The following SYN3 variants were observed in gnomAD, a reference collection of about 807,000 sequenced individuals.
SYN3 encodes synapsin-3.
A neutral mutation model predicts 65.8 loss-of-function variants in SYN3; 35 were observed. The observed-to-expected ratio is 0.53, with a 90% CI of 0.41 to 0.70. The LOEUF (loss-of-function observed/expected upper bound fraction) is 0.70, where lower values mean the gene tolerates loss of function less well. SYN3 is among the 30% of genes least tolerant of loss of function. SYN3 has a pLI of 0.00. For missense variants in SYN3, 680 were observed against 749.0 expected, an observed-to-expected ratio of 0.91 and a Z score of 1.08; for synonymous variants, 270 against 292.9, an observed-to-expected ratio of 0.92 and a Z score of 0.80.
At chr22:32,988,993 C>T (rs1055062211) in intron 2 of SYN3, among the ~76,000 whole-genome samples, 17 of 123,492 alleles carry the variant, frequency 1.4e-4, no homozygotes, top group Non-Finnish European at 2.9e-4. Context: ...AGAAGATCTA[C>T]TCACATGTTG....
intron 4 of SYN3, among the ~76,000 whole-genome samples, chr22:32,908,118 C>T (rs1397228331): frequency 6.6e-6 from 1 of 151,670 alleles, no homozygotes; most frequent in African/African-American, 2.4e-5. Context: ...CAGAGTCGCA[C>T]TCTGTCCTCC....
chr22:32,723,358 G>A (rs1278859326), intron 6 of SYN3, among the ~76,000 whole-genome samples: 1 of 152,178 alleles, frequency 6.6e-6, no homozygotes, highest in African/African-American at 2.4e-5. Context: ...TTAGAACAGT[G>A]CAGGAAGGGC....
chr22:32,745,907 C>T (rs2044919237), intron 6 of SYN3, among the ~76,000 whole-genome samples: 1 of 152,202 alleles, frequency 6.6e-6, no homozygotes, highest in African/African-American at 2.4e-5. Context: ...GCCGACCAGT[C>T]ATTCCTGCTG....
chr22:32,619,698 A>G (rs1261400529), intron 6 of SYN3, among the ~76,000 whole-genome samples: 2 of 152,170 alleles, frequency 1.3e-5, no homozygotes, highest in Non-Finnish European at 2.9e-5. Flanking sequence ...TCCTTCCACC[A>G]AGAGAAGGCA....
intron 1 of SYN3, among the ~76,000 whole-genome samples, chr22:33,053,517 C>T (rs867880419): frequency 1.3e-5 from 2 of 152,144 alleles, no homozygotes; most frequent in Non-Finnish European, 2.9e-5. Flanking sequence ...TTGAAGCTCC[C>T]GCTTGAAGTC....
At chr22:32,839,595 A>T (rs1284413752) in intron 6 of SYN3, among the ~76,000 whole-genome samples, 3 of 152,138 alleles carry the variant, frequency 2.0e-5, no homozygotes, top group Admixed American at 2.0e-4. Context: ...AGGTATCTGT[A>T]CCTTTCTTCC....
chr22:32,914,615 T>A (rs2050142144), intron 4 of SYN3, among the ~76,000 whole-genome samples: 1 of 151,168 alleles, frequency 6.6e-6, no homozygotes, highest in Non-Finnish European at 1.5e-5. Context: ...TTTTTTTTTT[T>A]GTATTTTTAG....
chr22:32,542,959 C>G lies in SYN3; in HGVS notation c.775-1246G>C, dbSNP rs556951437. Among the ~76,000 whole-genome samples, 56 of 152,222 alleles carry G rather than the reference C, an allele frequency of 3.7e-4. 2 individuals carry two copies. The South Asian group carries it at 0.011, about 29-fold the overall frequency. On this transcript the variant is annotated intron_variant, in intron 7 of 13. Transcript: ENST00000358763. Reference sequence around the variant, plus strand: ...GCTCCCCACTTCCCTGTCACCCTCACCCCGACAGCAGAGGAGTTCTGATGC... The same window carrying G: ...GCTCCCCACTTCCCTGTCACCCTCAGCCCGACAGCAGAGGAGTTCTGATGC...
intron 6 of SYN3, among the ~76,000 whole-genome samples, chr22:32,738,109 C>T (rs763736067): frequency 5.3e-5 from 8 of 152,296 alleles, no homozygotes; most frequent in Non-Finnish European, 1.0e-4. Flanking sequence ...ACGTTGACCC[C>T]GTACCAAGCA....
chr22:32,771,624 A>G (rs1256338859), intron 6 of SYN3, among the ~76,000 whole-genome samples: 1 of 152,240 alleles, frequency 6.6e-6, no homozygotes, highest in Non-Finnish European at 1.5e-5. Context: ...CACAGGACAC[A>G]CTGATGCCCA....
chr22:32,797,027 G>T (rs2046445158), intron 6 of SYN3, among the ~76,000 whole-genome samples: 1 of 152,170 alleles, frequency 6.6e-6, no homozygotes, highest in Non-Finnish European at 1.5e-5. Flanking sequence ...GGCCATGGCA[G>T]ATGGGAGGGG....
rs542864889 is a variant in SYN3, at chr22:32,602,019, G to A, written c.712-5283C>T. Among the ~76,000 whole-genome samples the A allele has an allele frequency of 1.5e-4, 23 of 151,334 alleles. No individual in the cohort carries two copies. In the East Asian group the frequency reaches 3.5e-3, roughly 23 times the overall value. On this transcript the variant is annotated intron_variant, in intron 6 of 13. Coordinates refer to ENST00000358763, the MANE Select transcript of SYN3 (RefSeq NM_003490.4). The stretch of plus-strand genomic sequence containing the variant: ...ACCAGAGAAATTCAAGACAAAAATT[G>A]TCTACAATCTCATTGTCTAACCAAA...
intron 6 of SYN3, among the ~76,000 whole-genome samples, chr22:32,666,224 ATCTC>A (rs2060287797): frequency 1.3e-5 from 2 of 152,068 alleles, no homozygotes; most frequent in South Asian, 2.1e-4. Flanking sequence ...TTTGGTCCTC[ATCTC>A]TCTTTTACCC....
intron 4 of SYN3, among the ~76,000 whole-genome samples, chr22:32,892,061 G>A (rs374882875): frequency 3.1e-4 from 47 of 152,108 alleles, no homozygotes; most frequent in East Asian, 5.8e-4. Flanking sequence ...TTGGGAGACC[G>A]AGGCGGGCGG....
At chr22:32,846,863 C>T (rs1304247003) in intron 6 of SYN3, among the ~76,000 whole-genome samples, 14 of 152,308 alleles carry the variant, frequency 9.2e-5, no homozygotes, top group Admixed American at 5.2e-4. Context: ...ACTACAAAAA[C>T]GTATTCTTTT....
At chr22:32,608,859 CTT>C (rs2059403217) in intron 6 of SYN3, among the ~76,000 whole-genome samples, 1 of 152,182 alleles carries the variant, frequency 6.6e-6, no homozygotes, top group African/African-American at 2.4e-5. Context: ...GCCAGAAACT[CTT>C]TGGGGATAAT....
At chr22:32,622,779 C>T (rs1453598403) in intron 6 of SYN3, among the ~76,000 whole-genome samples, 2 of 147,736 alleles carry the variant, frequency 1.4e-5, no homozygotes, top group African/African-American at 2.5e-5. Context: ...TGGATTTTTG[C>T]AGGGAGAGGC....
intron 3 of SYN3, among the ~76,000 whole-genome samples, chr22:32,980,094 G>T (rs1378938297): frequency 1.3e-5 from 2 of 152,146 alleles, no homozygotes; most frequent in Non-Finnish European, 2.9e-5. Context: ...GAGGGACCTG[G>T]ATATTGATAT....
At chr22:32,800,087 CA>C (rs1468995360) in intron 6 of SYN3, among the ~76,000 whole-genome samples, 5 of 152,276 alleles carry the variant, frequency 3.3e-5, no homozygotes, top group Admixed American at 3.3e-4. Context: ...AAAGGAGTTT[CA>C]AAAATGTTCT....
Sources: allele counts gnomAD v4.1 joint callset (sites outside exome capture counted in the v4.1 genomes callset), GRCh38; gene constraint gnomAD v4.1.1; transcripts MANE v1.5; gene names NCBI Gene and HGNC (gene_info 2026-07-23, HGNC 2026-07-21).